Variants in PLAGL1 observed in about 807,000 individuals in gnomAD.
PLAGL1 encodes PLAG1 like zinc finger 1.
In PLAGL1, 1 loss-of-function variant was observed where a neutral mutation model predicts 4.6. The observed-to-expected ratio is 0.22, with a 90% CI of 0.08 to 1.03. The LOEUF (loss-of-function observed/expected upper bound fraction) is 1.03. PLAGL1 is among the 50% of genes least tolerant of loss of function. The pLI is 0.58. For missense variants in PLAGL1, 464 were observed against 570.4 expected (o/e 0.81, Z 1.90); for synonymous variants, 240 against 237.8 (o/e 1.01, Z -0.08).
At chr6:143,956,971 A>AG (rs1782280422) in intron 6 of PLAGL1, among the ~76,000 whole-genome samples, 1 of 152,230 alleles carries the variant, frequency 6.6e-6, no homozygotes, top group East Asian at 1.9e-4. Flanking sequence ...CACGGAAGCA[A>AG]GGGGCTGGGA....
At chr6:143,992,069 G>T (rs1316424029) in intron 1 of PLAGL1, among the ~76,000 whole-genome samples, 5 of 152,186 alleles carry the variant, frequency 3.3e-5, no homozygotes, top group Non-Finnish European at 7.3e-5. Flanking sequence ...GACTTCGTTG[G>T]TTAGCTTTGA....
intron 1 of PLAGL1, among the ~76,000 whole-genome samples, chr6:144,044,656 T>C (rs560086347): frequency 5.9e-5 from 9 of 152,312 alleles, no homozygotes; most frequent in African/African-American, 1.7e-4. Context: ...TTCTGTTGAT[T>C]TGTGGTGAAG....
chr6:143,947,806 C>T lies in PLAGL1; in HGVS notation c.152+179G>A, dbSNP rs375923283. 5.1e-4 allele frequency among the ~76,000 whole-genome samples: 78 copies of T among 152,312 alleles called. 1 individual carries two copies. The South Asian group carries it at 8.7e-3, about 17-fold the overall frequency. ...CTGTTGAAAGAATGAACTGACACTG[C>T]ACAACAAGACGGTCACATAAAACCA... is the stretch of plus-strand genomic sequence containing the variant. On this transcript the variant is annotated intron_variant, in intron 7 of 7. Transcript: ENST00000674357. The surrounding 1 kb of genome is among the most constrained non-coding windows in gnomAD (Gnocchi z 4.3).
intron 1 of PLAGL1, among the ~76,000 whole-genome samples, chr6:144,043,716 C>G (rs555882943): frequency 6.6e-6 from 1 of 152,232 alleles, no homozygotes; most frequent in East Asian, 1.9e-4. Flanking sequence ...AGGATTCCCT[C>G]TTTTTCTATT....
rs1784844633 is a variant in PLAGL1 at position 143,968,472 on chromosome 6, T to TC, written c.-472+434dup. On this transcript the variant is annotated intron_variant, in intron 3 of 7. Transcript: ENST00000674357. The surrounding 1 kb of genome is among the most constrained non-coding windows in gnomAD (Gnocchi z 6.3). ...GTGGACCCTACCTCAGTTTTTTTTT[T>TC]CCTAATATTTCTTTAAGATAAAACC... 6.6e-6 allele frequency: 1 copy of TC among 151,636 alleles called. No individual in the cohort carries two copies. The highest frequency in any genetic ancestry group is 2.4e-5 in the African/African-American group (1 of 41,392). 9.4% of individuals were successfully genotyped at this position (151,636 alleles called of 1,614,324 possible). A position where few individuals can be genotyped will look rare whatever the true frequency, so the allele number is the denominator to read the frequency against.
chr6:144,003,335 TGA>T (rs1175092077), intron 1 of PLAGL1, among the ~76,000 whole-genome samples: 2 of 152,076 alleles, frequency 1.3e-5, no homozygotes, highest in Non-Finnish European at 2.9e-5. Flanking sequence ...TTCAAAATCT[TGA>T]GAGTGGGCTG....
At position 143,975,509 on chromosome 6, in the gene PLAGL1, A is replaced by G. The variant is rs1433808210; in HGVS notation, c.-543-6531T>C. ...AGCATTGGCATACAGTGAAAGATCA[A>G]TAATTATAGCTATTATCAATGCTGA... On this transcript the variant is annotated intron_variant, in intron 2 of 7. Coordinates refer to ENST00000674357, the MANE Select transcript of PLAGL1 (RefSeq NM_001317162.2). The surrounding 1 kb of genome is among the most constrained non-coding windows in gnomAD (Gnocchi z 5.8). 1.3e-5 allele frequency among the ~76,000 whole-genome samples: 2 copies of G among 152,234 alleles called. No individual in the cohort carries two copies. The highest frequency in any genetic ancestry group is 2.9e-5 in the Non-Finnish European group (2 of 68,026).
rs537268314 is a variant in PLAGL1, at chr6:143,972,512, C to T, written c.-543-3534G>A. ...ATTTATCAACTATTATAATGTCAGG[C>T]GCTAATCTTGGTCTGCTAGCCAGTT... On this transcript the variant is annotated intron_variant, in intron 2 of 7. Coordinates refer to ENST00000674357, the MANE Select transcript of PLAGL1 (RefSeq NM_001317162.2). This position sits in a 1 kb window ranked among gnomAD's most constrained non-coding sequence, Gnocchi z 6.8. 3.9e-5 allele frequency among the ~76,000 whole-genome samples: 6 copies of T among 152,196 alleles called. No individual in the cohort carries two copies. Among genetic ancestry groups the T allele is most frequent in the South Asian group, 4.2e-4 (2 of 4,816 alleles).
At chr6:144,029,083 C>A (rs542176698) in intron 1 of PLAGL1, among the ~76,000 whole-genome samples, 1 of 152,050 alleles carries the variant, frequency 6.6e-6, no homozygotes, top group Non-Finnish European at 1.5e-5. Context: ...ATTATTTATA[C>A]GAGTTGCATA....
At chr6:144,040,459 G>A (rs1797640522) in intron 1 of PLAGL1, among the ~76,000 whole-genome samples, 1 of 152,050 alleles carries the variant, frequency 6.6e-6, no homozygotes, top group African/African-American at 2.4e-5. Flanking sequence ...AACCTGAGAG[G>A]CAGAGGTTGT....
In PLAGL1 at chr6:143,952,225, T is replaced by C. The variant is rs1035836356; in HGVS notation, c.-324-3765A>G. 6.6e-6 allele frequency among the ~76,000 whole-genome samples: 1 copy of C among 152,218 alleles called. No homozygotes were observed. The highest frequency in any genetic ancestry group is 1.5e-5 in the Non-Finnish European group (1 of 68,036). ...ATCTTTGGTTGAAACCCAATGCACT[T>C]TCTGGCCACATCCTTAAAACAATTT... is the stretch of plus-strand genomic sequence containing the variant. On this transcript the variant is annotated intron_variant, in intron 6 of 7. Coordinates refer to ENST00000674357, the MANE Select transcript of PLAGL1 (RefSeq NM_001317162.2). The surrounding 1 kb of genome is among the most constrained non-coding windows in gnomAD (Gnocchi z 6.1).
chr6:144,058,644 G>A (rs1799166564), intron 1 of PLAGL1, among the ~76,000 whole-genome samples: 1 of 152,142 alleles, frequency 6.6e-6, no homozygotes. Flanking sequence ...CAGACACTGG[G>A]TAAACATTCC....
At chr6:144,025,904 T>C (rs1261952945) in intron 1 of PLAGL1, among the ~76,000 whole-genome samples, 1 of 152,012 alleles carries the variant, frequency 6.6e-6, no homozygotes, top group African/African-American at 2.4e-5. Flanking sequence ...AATAAATAAA[T>C]GAATAAATAA....
intron 1 of PLAGL1, among the ~76,000 whole-genome samples, chr6:144,033,402 A>G (rs1796975734): frequency 2.0e-5 from 3 of 152,242 alleles, no homozygotes; most frequent in Admixed American, 6.5e-5. Context: ...GTTGTAACAA[A>G]TATCTAAAAA....
At position 144,064,069 on chromosome 6, in the gene PLAGL1, G is replaced by A. The variant is rs1489815628; in HGVS notation, c.-151+399C>T. On this transcript the variant is annotated intron_variant, in intron 1 of 3. Transcript: ENST00000437412. This position sits in a 1 kb window ranked among gnomAD's most constrained non-coding sequence, Gnocchi z 6.8. ...CCCGCCCCCAGCCTCGGAGAGCACA[G>A]GACCCGGGAGGCGGCGACCTGCCTC... Among the ~76,000 whole-genome samples, 3 of 152,298 alleles carry A rather than the reference G, an allele frequency of 2.0e-5. No individual in the cohort carries two copies. In the East Asian group the frequency reaches 5.8e-4, roughly 29 times the overall value.
Position 143,983,601 on chromosome 6 carries a change from G to A in PLAGL1, c.-544+1534C>T, listed in dbSNP as rs950156551. Among the ~76,000 whole-genome samples the A allele has an allele frequency of 2.0e-5, 3 of 152,144 alleles. No homozygotes were observed. The highest frequency in any genetic ancestry group is 7.2e-5 in the African/African-American group (3 of 41,428). On this transcript the variant is annotated intron_variant, in intron 2 of 7. Coordinates refer to ENST00000674357, the MANE Select transcript of PLAGL1 (RefSeq NM_001317162.2). The surrounding 1 kb of genome is among the most constrained non-coding windows in gnomAD (Gnocchi z 6.6). ...TGGAATCAGCAAACAAAGGCACTGG[G>A]ATATAGATGGCTAAGTACAACAAAG...
Position 144,024,478 on chromosome 6 carries a change from T to C in PLAGL1, c.-151+39990A>G, listed in dbSNP as rs1188491081. On this transcript the variant is annotated intron_variant, in intron 1 of 3. Coordinates refer to the PLAGL1 transcript ENST00000437412. ...AGTGAATAAGTCTCATGAGATCTGA[T>C]GGTTTTATAAATGGGAGTTCTCTGT... is the stretch of plus-strand genomic sequence containing the variant. 3.3e-5 allele frequency among the ~76,000 whole-genome samples: 5 copies of C among 152,210 alleles called. No individual in the cohort carries two copies. In the East Asian group the frequency reaches 7.7e-4, roughly 23 times the overall value.
intron 1 of PLAGL1, among the ~76,000 whole-genome samples, chr6:143,999,022 C>A (rs1792276531): frequency 6.6e-6 from 1 of 151,952 alleles, no homozygotes; most frequent in South Asian, 2.1e-4. Flanking sequence ...GGAACTGACC[C>A]CAGTGGTCAC....
rs1242619555 is a variant in PLAGL1, at chr6:144,000,448, A to G, written c.-584+7642T>C. ...ACTATTCACAGTAGCAACAAAAATC[A>G]TCAGGATCTAGAAATAAATGTAACA... On this transcript the variant is annotated intron_variant, in intron 1 of 7. Transcript: ENST00000674357. This position sits in a 1 kb window ranked among gnomAD's most constrained non-coding sequence, Gnocchi z 4.1. Among the ~76,000 whole-genome samples the G allele has an allele frequency of 6.6e-6, 1 of 152,168 alleles. No homozygotes were observed.
Sources: gnomAD v4.1 joint callset for allele counts (sites outside exome capture counted in the v4.1 genomes callset) on GRCh38, gnomAD v4.1.1 for gene constraint, Gnocchi (gnomAD v3.1) non-coding constraint, MANE v1.5 for transcripts, NCBI Gene and HGNC (gene_info 2026-07-23, HGNC 2026-07-21) for gene names.